Variants in CDH13 observed in about 807,000 individuals in gnomAD.
CDH13 encodes cadherin 13.
A neutral mutation model predicts 63.8 loss-of-function variants in CDH13; 24 were observed. The observed-to-expected ratio is 0.38, with a 90% confidence interval of 0.27 to 0.53. The LOEUF is 0.53. Ranked by LOEUF, CDH13 falls within the 20% of genes least tolerant of loss-of-function variation. The pLI is 0.85. For synonymous variants in CDH13, 503 were observed against 355.3 expected, an observed-to-expected ratio of 1.42 and a Z score of -4.67; for missense variants, 1,049 against 903.1, an observed-to-expected ratio of 1.16 and a Z score of -2.07.
intron 12 of CDH13, among the ~76,000 whole-genome samples, chr16:83,782,518 C>G (rs1412588063): frequency 6.6e-6 from 1 of 151,972 alleles, no homozygotes; most frequent in East Asian, 1.9e-4. Flanking sequence ...GGCAGATCAC[C>G]TGAGGTCAGG....
At chr16:82,788,399 G>A (rs1200769043) in intron 1 of CDH13, among the ~76,000 whole-genome samples, 1 of 152,170 alleles carries the variant, frequency 6.6e-6, no homozygotes, top group Non-Finnish European at 1.5e-5. Context: ...CCGCCCTGAT[G>A]TGGTCCACGT....
chr16:82,785,004 C>G (rs2035937446), intron 1 of CDH13, among the ~76,000 whole-genome samples: 1 of 152,114 alleles, frequency 6.6e-6, no homozygotes. Flanking sequence ...TAGGGCTACT[C>G]CTTAGCAGTA....
chr16:83,319,111 C>A (rs975930908), intron 5 of CDH13, among the ~76,000 whole-genome samples: 1 of 151,936 alleles, frequency 6.6e-6, no homozygotes, highest in Non-Finnish European at 1.5e-5. Flanking sequence ...AGTAAAAGTT[C>A]TTTGGGCAAA....
intron 6 of CDH13, among the ~76,000 whole-genome samples, chr16:83,411,476 A>G (rs769459126): frequency 1.4e-4 from 22 of 152,318 alleles, no homozygotes; most frequent in Middle Eastern, 3.4e-3. Context: ...CAGTGAAATC[A>G]TATGTGCTCA....
chr16:83,323,072 G>T (rs1177032891), intron 5 of CDH13, among the ~76,000 whole-genome samples: 2 of 151,926 alleles, frequency 1.3e-5, no homozygotes, highest in African/African-American at 4.8e-5. Context: ...AGCGAATGGA[G>T]GTGGTGGTTA....
chr16:82,712,487 G>C (rs2032024930), intron 1 of CDH13, among the ~76,000 whole-genome samples: 1 of 152,082 alleles, frequency 6.6e-6, no homozygotes, highest in Admixed American at 6.6e-5. Context: ...GATAACCTAT[G>C]AAAATGGCTT....
At chr16:82,780,835 TA>T (rs1479121310) in intron 1 of CDH13, among the ~76,000 whole-genome samples, 7 of 152,226 alleles carry the variant, frequency 4.6e-5, no homozygotes, top group African/African-American at 1.7e-4. Context: ...GAAGTTGTAA[TA>T]AAAACTGTAA....
chr16:83,032,450 G>A, intron 3 of CDH13: 1 of 516,510 alleles, frequency 1.9e-6, no homozygotes, highest in South Asian at 2.4e-5. Context: ...ACTATTTTAG[G>A]GATACTTCTG....
chr16:82,844,387 G>A (rs1020430152), intron 1 of CDH13: 1 of 151,810 alleles, frequency 6.6e-6, no homozygotes, highest in Non-Finnish European at 1.5e-5. Context: ...GGATCACAAG[G>A]TCAGGAGGTC....
At chr16:82,831,135 G>A (rs559181902) in intron 1 of CDH13, among the ~76,000 whole-genome samples, 1 of 152,202 alleles carries the variant, frequency 6.6e-6, no homozygotes, top group South Asian at 2.1e-4. Context: ...CGCCGCACCA[G>A]ACCTGTTGAA....
At chr16:83,255,322 G>C (rs148469257) in intron 5 of CDH13, among the ~76,000 whole-genome samples, 34 of 152,248 alleles carry the variant, frequency 2.2e-4, no homozygotes, top group African/African-American at 7.2e-4. Context: ...CCATCCTCCA[G>C]GTTTGAACTA....
chr16:82,786,062 G>A lies in CDH13; in HGVS notation c.46-72300G>A, dbSNP rs113795382. ...GTGCTTTGGCAGGAGTCAAGGCAGA[G>A]CAGGTAGCAAGTAATCTGAATGAGT... On this transcript the variant is annotated intron_variant, in intron 1 of 13. Coordinates refer to ENST00000567109, the MANE Select transcript of CDH13 (RefSeq NM_001257.5). Among the ~76,000 whole-genome samples the A allele has an allele frequency of 3.2e-3, 482 of 152,312 alleles. 1 individual carries two copies. The highest frequency in any genetic ancestry group is 5.6e-3 in the Non-Finnish European group (379 of 68,016).
chr16:83,630,993 T>G (rs1598394291), intron 8 of CDH13, among the ~76,000 whole-genome samples: 1 of 152,128 alleles, frequency 6.6e-6, no homozygotes, highest in South Asian at 2.1e-4. Context: ...TGACATGTGG[T>G]TCAGTAAGGG....
chr16:83,714,167 C>A lies in CDH13; in HGVS notation c.1539-33941C>A, dbSNP rs144525669. Reference sequence around the variant, plus strand: ...AGATGCCGCAGAAGCCACAACAATCCCATCCACTGCAAATCACACGATAGT... The same window carrying A: ...AGATGCCGCAGAAGCCACAACAATCACATCCACTGCAAATCACACGATAGT... On this transcript the variant is annotated intron_variant, in intron 10 of 13. Coordinates refer to ENST00000567109, the MANE Select transcript of CDH13 (RefSeq NM_001257.5). Among the ~76,000 whole-genome samples the A allele has an allele frequency of 5.6e-4, 86 of 152,258 alleles. No homozygotes were observed. In the East Asian group the frequency reaches 0.015, roughly 27 times the overall value.
intron 4 of CDH13, among the ~76,000 whole-genome samples, chr16:83,176,109 C>T (rs2038112271): frequency 6.6e-6 from 1 of 150,504 alleles, no homozygotes; most frequent in Non-Finnish European, 1.5e-5. Flanking sequence ...CTCGGTCTCC[C>T]AGAGTGCTGG....
rs114965618 is a variant in CDH13, at chr16:83,650,406, C to T, written c.1102-20384C>T. 3.5e-3 allele frequency among the ~76,000 whole-genome samples: 531 copies of T among 152,240 alleles called. 4 individuals carry two copies. Among genetic ancestry groups the T allele is most frequent in the African/African-American group, 0.012 (504 of 41,530 alleles). On this transcript the variant is annotated intron_variant, in intron 8 of 13. Coordinates refer to ENST00000567109, the MANE Select transcript of CDH13 (RefSeq NM_001257.5). ...TGTTACTATGCTCTTCCAGCATTTTCCTATGATGTTTGAATCTATGACCAA... is the reference window on the plus strand; with the variant it reads ...TGTTACTATGCTCTTCCAGCATTTTTCTATGATGTTTGAATCTATGACCAA...
intron 3 of CDH13, among the ~76,000 whole-genome samples, chr16:83,048,102 G>C (rs1000912192): frequency 3.3e-5 from 5 of 152,206 alleles, no homozygotes; most frequent in Non-Finnish European, 4.4e-5. Context: ...AATATAATCT[G>C]TGTCGTCCTG....
intron 6 of CDH13, among the ~76,000 whole-genome samples, chr16:83,374,595 C>T (rs1298854450): frequency 6.6e-6 from 1 of 152,182 alleles, no homozygotes; most frequent in African/African-American, 2.4e-5. Flanking sequence ...AACTCGTACC[C>T]ACTTCAGGAT....
intron 3 of CDH13, among the ~76,000 whole-genome samples, chr16:83,091,303 A>G (rs1035156633): frequency 1.3e-4 from 19 of 151,776 alleles, no homozygotes; most frequent in Admixed American, 2.6e-4. Flanking sequence ...CTTGGTAACC[A>G]TCTACTTTAT....
Sources: gnomAD v4.1 joint callset for allele counts (sites outside exome capture counted in the v4.1 genomes callset) on GRCh38, gnomAD v4.1.1 for gene constraint, MANE v1.5 for transcripts, NCBI Gene and HGNC (gene_info 2026-07-23, HGNC 2026-07-21) for gene names.